The following SHISA9 variants were observed in gnomAD, a reference collection of about 807,000 sequenced individuals.
The protein encoded by SHISA9 is protein shisa-9.
SHISA9 carries 13 observed loss-of-function variants against 38.0 expected under a neutral mutation model. The observed-to-expected ratio is 0.34, with a 90% CI of 0.22 to 0.54. The LOEUF is 0.54. Among genes scored for constraint, SHISA9 ranks in the 20% least tolerant of loss-of-function variants. The pLI is 0.91. For synonymous variants in SHISA9, 275 were observed against 242.0 expected, an observed-to-expected ratio of 1.14 and a Z score of -1.27; for missense variants, 538 against 575.8, an observed-to-expected ratio of 0.93 and a Z score of 0.67.
At chr16:13,410,201 T>A in the SHISA9 span, among the ~76,000 whole-genome samples, 1 of 152,216 alleles carries the variant, frequency 6.6e-6, no homozygotes, top group Admixed American at 6.5e-5. Context: ...ATGAAATTTG[T>A]TCAGGATAGG....
intron 2 of SHISA9, among the ~76,000 whole-genome samples, chr16:13,123,978 G>A (rs1357335688): frequency 2.0e-5 from 3 of 152,204 alleles, no homozygotes; most frequent in Non-Finnish European, 4.4e-5. Context: ...CTCAATGTAT[G>A]ACTGTTCCCT....
the SHISA9 span, among the ~76,000 whole-genome samples, chr16:13,552,707 A>T: frequency 6.6e-6 from 1 of 152,222 alleles, no homozygotes; most frequent in South Asian, 2.1e-4. Flanking sequence ...GTGCTTTAGA[A>T]TAATGAGATT....
rs143206639 is a variant in SHISA9, at chr16:12,983,768, G to A, written c.691+66953G>A. ...CTCCCAAAGTGCTGGGATTACAGGCGTGAGCCACCGTGCCCGGCCCAGTTT... is the reference window on the plus strand; with the variant it reads ...CTCCCAAAGTGCTGGGATTACAGGCATGAGCCACCGTGCCCGGCCCAGTTT... On this transcript the variant is annotated intron_variant, in intron 2 of 4. Coordinates refer to ENST00000558583, the MANE Select transcript of SHISA9 (RefSeq NM_001145204.3). Among the ~76,000 whole-genome samples the A allele has an allele frequency of 4.0e-3, 605 of 152,316 alleles. 3 individuals carry two copies. The highest frequency in any genetic ancestry group is 0.013 in the African/African-American group (557 of 41,584).
chr16:13,196,260 G>C (rs909677642), intron 2 of SHISA9, among the ~76,000 whole-genome samples: 1 of 151,080 alleles, frequency 6.6e-6, no homozygotes, highest in African/African-American at 2.4e-5. Flanking sequence ...AGCTGGGCGA[G>C]GTGGCGCGTG....
chr16:13,423,524 CG>C, the SHISA9 span, among the ~76,000 whole-genome samples: 2 of 152,092 alleles, frequency 1.3e-5, no homozygotes, highest in Non-Finnish European at 2.9e-5. Flanking sequence ...CTTTGGCTTT[CG>C]GGGACTAATC....
At chr16:13,186,782 C>G (rs1224146369) in intron 2 of SHISA9, among the ~76,000 whole-genome samples, 1 of 152,196 alleles carries the variant, frequency 6.6e-6, no homozygotes, top group Non-Finnish European at 1.5e-5. Context: ...ATGAATTTGA[C>G]TACTCCAGGG....
chr16:13,159,058 C>CAAA (rs10711130), intron 2 of SHISA9, among the ~76,000 whole-genome samples: 6 of 123,592 alleles, frequency 4.9e-5, no homozygotes, highest in African/African-American at 1.8e-4. Flanking sequence ...GACTCTGTCT[C>CAAA]AAAAAAAAAA....
intron 2 of SHISA9, among the ~76,000 whole-genome samples, chr16:13,082,133 T>TG (rs886139614): frequency 6.6e-6 from 1 of 152,182 alleles, no homozygotes; most frequent in African/African-American, 2.4e-5. Flanking sequence ...GCTTACAGGG[T>TG]GTGAATTATT....
the SHISA9 span, among the ~76,000 whole-genome samples, chr16:13,348,495 C>A: frequency 6.6e-6 from 1 of 151,814 alleles, no homozygotes; most frequent in Non-Finnish European, 1.5e-5. Context: ...CTGAGAGGTA[C>A]CCTGGTTGAG....
At chr16:13,435,213 C>T in the SHISA9 span, among the ~76,000 whole-genome samples, 1 of 149,068 alleles carries the variant, frequency 6.7e-6, no homozygotes, top group Non-Finnish European at 1.5e-5. Flanking sequence ...GATAGATGTA[C>T]CCATTCTTAG....
chr16:13,399,525 T>C, the SHISA9 span, among the ~76,000 whole-genome samples: 2 of 152,182 alleles, frequency 1.3e-5, no homozygotes, highest in African/African-American at 4.8e-5. Flanking sequence ...CTCCTGTGCT[T>C]CAAGACCGGT....
At chr16:13,278,990 G>T in the SHISA9 span, among the ~76,000 whole-genome samples, 1 of 151,900 alleles carries the variant, frequency 6.6e-6, no homozygotes, top group African/African-American at 2.4e-5. Flanking sequence ...GTCCCTTGAG[G>T]TGTGACCTTA....
the SHISA9 span, among the ~76,000 whole-genome samples, chr16:13,301,988 T>C: frequency 6.6e-5 from 10 of 152,164 alleles, no homozygotes; most frequent in South Asian, 2.1e-4. Context: ...AATTTTACTA[T>C]TGCAGAGAGA....
intron 2 of SHISA9, among the ~76,000 whole-genome samples, chr16:13,146,044 G>A (rs191460433): frequency 5.9e-5 from 9 of 152,142 alleles, no homozygotes; most frequent in Admixed American, 2.6e-4. Context: ...AAAAATTAGC[G>A]AGGTGTGGTG....
chr16:13,083,794 G>C (rs1482522773), intron 2 of SHISA9, among the ~76,000 whole-genome samples: 3 of 152,262 alleles, frequency 2.0e-5, no homozygotes, highest in Non-Finnish European at 2.9e-5. Context: ...ATTTTCCATA[G>C]ACGAAGGTGG....
intron 2 of SHISA9, among the ~76,000 whole-genome samples, chr16:13,007,916 C>G (rs1391263077): frequency 6.6e-6 from 1 of 152,122 alleles, no homozygotes; most frequent in African/African-American, 2.4e-5. Flanking sequence ...TTCCCAGGGT[C>G]TTGCACTTGT....
intron 2 of SHISA9, among the ~76,000 whole-genome samples, chr16:12,933,602 C>CT (rs908161630): frequency 6.6e-6 from 1 of 152,116 alleles, no homozygotes; most frequent in African/African-American, 2.4e-5. Flanking sequence ...CCAGAATTGT[C>CT]TTTTAATAGT....
chr16:13,180,133 C>T (rs1241817888), intron 2 of SHISA9, among the ~76,000 whole-genome samples: 1 of 152,212 alleles, frequency 6.6e-6, no homozygotes, highest in Non-Finnish European at 1.5e-5. Context: ...GTACGTGGAA[C>T]ATTTGTTCAA....
Position 13,235,062 on chromosome 16 carries a change from C to A in SHISA9, c.928C>A (p.Arg310=). 8 of 1,551,138 alleles carry A rather than the reference C, an allele frequency of 5.2e-6. No individual in the cohort carries two copies. The highest frequency in any genetic ancestry group is 7.0e-6 in the Non-Finnish European group (8 of 1,146,776). The change falls in exon 5 of 5, where the codon CGA becomes AGA. Residue 310 remains arginine, a synonymous_variant. Coordinates refer to ENST00000558583, the MANE Select transcript of SHISA9 (RefSeq NM_001145204.3). ...GGTCAATGACGACTTCTACACCAAG[C>A]GACGGCACCTGGCTGAGCTGGCTGC... ...DKVNDDFYTK[R]RHLAELAAKG...
Sources: allele counts gnomAD v4.1 joint callset (sites outside exome capture counted in the v4.1 genomes callset), GRCh38; gene constraint gnomAD v4.1.1; transcripts MANE v1.5; gene names NCBI Gene and HGNC (gene_info 2026-07-23, HGNC 2026-07-21).